The following MAD1L1 variants were observed in gnomAD, a reference collection of about 807,000 sequenced individuals.
The protein encoded by MAD1L1 is mitotic spindle assembly checkpoint protein MAD1.
Under a neutral mutation model 96.9 loss-of-function variants are expected in MAD1L1, and 95 were observed. The ratio of observed to expected loss-of-function variants is 0.98; its 90% confidence interval spans 0.83 to 1.16. The LOEUF (loss-of-function observed/expected upper bound fraction) is 1.16. Ranked by LOEUF, MAD1L1 falls within the 50% of genes most tolerant of loss-of-function variation. The pLI, the probability that MAD1L1 is intolerant of heterozygous loss-of-function variation, is 0.00. For synonymous variants in MAD1L1, 473 were observed against 396.6 expected (o/e 1.19, Z -2.29); for missense variants, 1,007 against 954.4 (o/e 1.06, Z -0.73).
At chr7:2,094,403 A>C (rs1285381068) in intron 11 of MAD1L1, among the ~76,000 whole-genome samples, 3 of 152,232 alleles carry the variant, frequency 2.0e-5, no homozygotes, top group East Asian at 3.8e-4. Flanking sequence ...ACTGCTGAGG[A>C]GGCGCTACCC....
At chr7:1,888,399 C>T (rs114613573) in intron 18 of MAD1L1, among the ~76,000 whole-genome samples, 4,453 of 114,068 alleles carry the variant, frequency 0.039, 89 homozygotes, top group African/African-American at 0.1. Flanking sequence ...TGTGTGCATG[C>T]GTGTGGCTGC....
chr7:2,116,578 G>A lies in MAD1L1; in HGVS notation c.1073+32574C>T, dbSNP rs963125927. Among the ~76,000 whole-genome samples the A allele has an allele frequency of 4.0e-5, 6 of 150,742 alleles. 1 individual carries two copies. The highest frequency in any genetic ancestry group is 8.9e-5 in the Non-Finnish European group (6 of 67,384). ...GCAGGCCAGAGGGTTGGGGGGGGGG[G>A]GGGCTCCTGTGTGTACACAGGGCTG... On this transcript the variant is annotated intron_variant, in intron 11 of 18. Coordinates refer to ENST00000265854, the MANE Select transcript of MAD1L1 (RefSeq NM_001013836.2).
At chr7:1,877,265 A>G (rs1274308362) in intron 18 of MAD1L1, among the ~76,000 whole-genome samples, 2 of 152,168 alleles carry the variant, frequency 1.3e-5, no homozygotes, top group Non-Finnish European at 2.9e-5. Context: ...TGAGCTCATT[A>G]TGTAACAGTT....
In MAD1L1 at chr7:2,225,473, C is replaced by T; in HGVS notation, c.228G>A (p.Leu76=). 1.2e-6 allele frequency: 2 copies of T among 1,614,210 alleles called. No homozygotes were observed. The highest frequency in any genetic ancestry group is 2.2e-5 in the South Asian group (2 of 91,084). The change falls in exon 4 of 19, where the codon CTG becomes CTA. Residue 76 remains leucine, a synonymous_variant. Coordinates refer to ENST00000265854, the MANE Select transcript of MAD1L1 (RefSeq NM_001013836.2). ...QVEREKMQME[L]SHKRARVELE... Reference sequence around the variant, plus strand: ...GCTCCACTCGAGCCCTCTTGTGACTCAGCTCCATCTGCATTTTCTCCCGCT... The same window carrying T: ...GCTCCACTCGAGCCCTCTTGTGACTTAGCTCCATCTGCATTTTCTCCCGCT...
intron 18 of MAD1L1, among the ~76,000 whole-genome samples, chr7:1,863,138 T>C (rs1033905710): frequency 2.6e-5 from 4 of 152,266 alleles, no homozygotes; most frequent in Admixed American, 2.0e-4. Flanking sequence ...GCAAGCCAGG[T>C]GGCGTCCAGA....
chr7:2,122,917 C>T (rs567638075), intron 11 of MAD1L1, among the ~76,000 whole-genome samples: 13 of 152,344 alleles, frequency 8.5e-5, no homozygotes, highest in African/African-American at 2.6e-4. Flanking sequence ...TGAGCTTCCC[C>T]GTCACCGTCT....
At chr7:2,106,379 C>G (rs1464677419) in intron 11 of MAD1L1, among the ~76,000 whole-genome samples, 1 of 149,518 alleles carries the variant, frequency 6.7e-6, no homozygotes, top group Non-Finnish European at 1.5e-5. Context: ...GATATACATG[C>G]CCATCCCTGG....
intron 17 of MAD1L1, among the ~76,000 whole-genome samples, chr7:1,906,602 C>A (rs1320282091): frequency 1.3e-5 from 2 of 152,226 alleles, no homozygotes; most frequent in African/African-American, 4.8e-5. Flanking sequence ...GATGCCTGGG[C>A]CTCACGCTCT....
At chr7:1,885,483 G>A (rs994015116) in intron 18 of MAD1L1, among the ~76,000 whole-genome samples, 7 of 106,714 alleles carry the variant, frequency 6.6e-5, no homozygotes, top group Admixed American at 2.1e-4. Flanking sequence ...GCTGGGCTGC[G>A]GGTGTGTGTG....
chr7:2,126,985 C>T (rs1788262223), intron 11 of MAD1L1, among the ~76,000 whole-genome samples: 1 of 152,208 alleles, frequency 6.6e-6, no homozygotes, highest in Admixed American at 6.5e-5. Flanking sequence ...AGCCAGCGGG[C>T]CAAGTCAGGT....
intron 10 of MAD1L1, among the ~76,000 whole-genome samples, chr7:2,169,389 C>T (rs1790597547): frequency 6.6e-6 from 1 of 152,078 alleles, no homozygotes; most frequent in Admixed American, 6.5e-5. Context: ...AAAAAAAGTT[C>T]TATAGCCACC....
chr7:1,908,866 C>G (rs917211663), intron 17 of MAD1L1, among the ~76,000 whole-genome samples: 2 of 152,214 alleles, frequency 1.3e-5, no homozygotes, highest in Non-Finnish European at 2.9e-5. Flanking sequence ...GCCTGGCTCC[C>G]CCAAGTGTCT....
chr7:2,011,278 G>A (rs1336337106), intron 13 of MAD1L1, among the ~76,000 whole-genome samples: 1 of 152,194 alleles, frequency 6.6e-6, no homozygotes, highest in African/African-American at 2.4e-5. Flanking sequence ...CCCTGCCCCA[G>A]GGGCTCCCTG....
intron 14 of MAD1L1, among the ~76,000 whole-genome samples, chr7:1,990,235 C>T (rs1781348070): frequency 6.6e-6 from 1 of 152,236 alleles, no homozygotes; most frequent in Non-Finnish European, 1.5e-5. Context: ...TGAGGGCTCA[C>T]ATCCCAGGGC....
intron 16 of MAD1L1, 87 bp downstream of exon 16, chr7:1,957,542 G>A: frequency 7.7e-7 from 1 of 1,302,958 alleles, no homozygotes; most frequent in Non-Finnish European, 1.1e-6. Context: ...CGGGTGTTCT[G>A]TGGCAGCAGG....
rs73048913 is a variant in MAD1L1, at chr7:2,062,700, G to C, written c.1218+6494C>G. On this transcript the variant is annotated intron_variant, in intron 12 of 18. Transcript: ENST00000265854. ...ACCTGCTCTTCTAGAGTCTGTCCTGGGTCTGTAATTTGTGCACACTAAACT... is the reference window on the plus strand; with the variant it reads ...ACCTGCTCTTCTAGAGTCTGTCCTGCGTCTGTAATTTGTGCACACTAAACT... Among the ~76,000 whole-genome samples the C allele has an allele frequency of 7.9e-3, 1,210 of 152,224 alleles. 6 individuals are homozygous for C. Among genetic ancestry groups the C allele is most frequent in the Admixed American group, 0.012 (176 of 15,298 alleles).
At position 1,980,445 on chromosome 7, in the gene MAD1L1, G is replaced by A; in HGVS notation, c.1505+8C>T. 2 of 1,608,814 alleles carry A rather than the reference G, an allele frequency of 1.2e-6. No homozygotes were observed. Among genetic ancestry groups the A allele is most frequent in the Non-Finnish European group, 1.7e-6 (2 of 1,177,596 alleles). ...TGGGCGTGTCCGCCTCCTCTCTGGG[G>A]GACGTACCTGAGCGTGTCCGCCTCC... On this transcript the variant is annotated splice_region_variant and intron_variant, in intron 15 of 18. Transcript: ENST00000265854.
chr7:2,119,899 A>G lies in MAD1L1; in HGVS notation c.1073+29253T>C, dbSNP rs147647870. On this transcript the variant is annotated intron_variant, in intron 11 of 18. Coordinates refer to ENST00000265854, the MANE Select transcript of MAD1L1 (RefSeq NM_001013836.2). This position sits in a 1 kb window ranked among gnomAD's most constrained non-coding sequence, Gnocchi z 4.6. ...CTCCCCTCCTTCCAAGCATCCAACC[A>G]GGAGCTCCTTATTCCCTGAAAGCCG... Among the ~76,000 whole-genome samples, 1,862 of 152,146 alleles carry G rather than the reference A, an allele frequency of 0.012. 29 individuals are homozygous for G. Among genetic ancestry groups the G allele is most frequent in the African/African-American group, 0.042 (1,760 of 41,492 alleles).
intron 11 of MAD1L1, among the ~76,000 whole-genome samples, chr7:2,094,317 G>A (rs756686868): frequency 2.0e-5 from 3 of 152,186 alleles, no homozygotes; most frequent in Admixed American, 6.5e-5. Context: ...CTCACATCGG[G>A]AACGGGACAC....
Sources: gnomAD v4.1 joint callset for allele counts (sites outside exome capture counted in the v4.1 genomes callset) on GRCh38, gnomAD v4.1.1 for gene constraint, Gnocchi (gnomAD v3.1) non-coding constraint, MANE v1.5 for transcripts, NCBI Gene and HGNC (gene_info 2026-07-23, HGNC 2026-07-21) for gene names.